Variants in FAM110B observed in about 807,000 individuals in gnomAD.
FAM110B encodes the protein protein FAM110B.
In FAM110B, 6 loss-of-function variants were observed where a neutral mutation model predicts 20.4. The observed-to-expected ratio is 0.29, with a 90% CI of 0.16 to 0.58. The LOEUF (loss-of-function observed/expected upper bound fraction) is 0.58. FAM110B is among the 20% of genes least tolerant of loss of function. The pLI is 0.90. For missense variants in FAM110B, 434 were observed against 498.2 expected, an observed-to-expected ratio of 0.87 and a Z score of 1.23; for synonymous variants, 226 against 214.1, an observed-to-expected ratio of 1.06 and a Z score of -0.49.
chr8:58,125,376 C>T (rs934468348), intron 3 of FAM110B, among the ~76,000 whole-genome samples: 1 of 152,120 alleles, frequency 6.6e-6, no homozygotes, highest in Admixed American at 6.6e-5. Context: ...TTTCAAAGAA[C>T]ACTATTAATG....
intron 1 of FAM110B, among the ~76,000 whole-genome samples, chr8:58,006,372 C>T (rs978091994): frequency 6.6e-6 from 1 of 152,166 alleles, no homozygotes; most frequent in Non-Finnish European, 1.5e-5. Flanking sequence ...GAATCAACTA[C>T]AGACACTGGC....
chr8:58,094,160 G>C (rs1467568886), intron 3 of FAM110B, among the ~76,000 whole-genome samples: 1 of 152,192 alleles, frequency 6.6e-6, no homozygotes, highest in Non-Finnish European at 1.5e-5. Flanking sequence ...TGAGACGATG[G>C]TGTTTTCTAA....
chr8:58,073,451 A>G (rs1342784683), intron 2 of FAM110B, among the ~76,000 whole-genome samples: 1 of 152,168 alleles, frequency 6.6e-6, no homozygotes, highest in Non-Finnish European at 1.5e-5. Flanking sequence ...AAGCTGGCAT[A>G]GCTTCATATC....
At chr8:57,997,190 T>C (rs946659150) in intron 1 of FAM110B, among the ~76,000 whole-genome samples, 14 of 152,158 alleles carry the variant, frequency 9.2e-5, no homozygotes, top group Non-Finnish European at 1.9e-4. Flanking sequence ...GGAGGAGGCA[T>C]ATGTATGGTC....
At chr8:58,120,060 ACT>A (rs1042558302) in intron 3 of FAM110B, among the ~76,000 whole-genome samples, 2 of 152,090 alleles carry the variant, frequency 1.3e-5, no homozygotes, top group African/African-American at 4.8e-5. Context: ...GGACTTAGTG[ACT>A]CTGAGGACAC....
chr8:58,032,494 C>T (rs887104627), intron 2 of FAM110B: 3 of 152,170 alleles, frequency 2.0e-5, no homozygotes, highest in African/African-American at 7.2e-5. Context: ...TTTCTCCATG[C>T]ACATACTAAT....
At position 58,086,596 on chromosome 8, in the gene FAM110B, C is replaced by A. The variant is rs13254335; in HGVS notation, c.-325+10973C>A. Reference sequence around the variant, plus strand: ...AAGTCACCTCTTTATTGGCACTTAACGTTACGCATAAATAGGACCACTGTG... The same window carrying A: ...AAGTCACCTCTTTATTGGCACTTAAAGTTACGCATAAATAGGACCACTGTG... On this transcript the variant is annotated intron_variant, in intron 3 of 3. Coordinates refer to ENST00000519262, the MANE Select transcript of FAM110B (RefSeq NM_001377989.1). Among the ~76,000 whole-genome samples the A allele has an allele frequency of 2.6e-5, 4 of 152,258 alleles. No individual in the cohort carries two copies. In the East Asian group the frequency reaches 7.7e-4, roughly 29 times the overall value.
intron 1 of FAM110B, among the ~76,000 whole-genome samples, chr8:58,029,872 A>G (rs1273171113): frequency 6.6e-6 from 1 of 152,192 alleles, no homozygotes; most frequent in Non-Finnish European, 1.5e-5. Flanking sequence ...CATATGTGGT[A>G]TTACTCCCTG....
intron 3 of FAM110B, among the ~76,000 whole-genome samples, chr8:58,142,641 C>A (rs1176535177): frequency 2.0e-5 from 3 of 152,072 alleles, no homozygotes; most frequent in African/African-American, 4.8e-5. Flanking sequence ...CCATTAGCAC[C>A]TTGGCTCTGC....
At chr8:58,109,774 A>C (rs997490271) in intron 3 of FAM110B, among the ~76,000 whole-genome samples, 8 of 152,244 alleles carry the variant, frequency 5.3e-5, no homozygotes, top group Non-Finnish European at 7.3e-5. Flanking sequence ...TAGGGTGGCC[A>C]GAGCCATCAG....
chr8:58,078,753 T>C (rs1806105183), intron 3 of FAM110B, among the ~76,000 whole-genome samples: 2 of 151,920 alleles, frequency 1.3e-5, no homozygotes, highest in African/African-American at 4.8e-5. Flanking sequence ...GGTTTCACCA[T>C]GTTAGCCAGG....
chr8:58,147,082 C>G lies in FAM110B; in HGVS notation c.852C>G (p.Asp284Glu). The change falls in exon 4 of 4, where the codon GAC (aspartate) becomes GAG (glutamate). Residue 284 changes from aspartate to glutamate, a missense_variant. Asp to Glu is a conservative substitution (Grantham distance 45). Coordinates refer to ENST00000519262, the MANE Select transcript of FAM110B (RefSeq NM_001377989.1). ...GGTTCTTCAACTACTGTGGACTGGACCCGGAAGAGCTGGAAAACCTGGGAA... is the reference window on the plus strand; with the variant it reads ...GGTTCTTCAACTACTGTGGACTGGAGCCGGAAGAGCTGGAAAACCTGGGAA... Reference protein sequence around the residue: ...VERFFNYCGLDPEELENLGME... With the variant: ...VERFFNYCGLEPEELENLGME... The G allele has an allele frequency of 6.2e-7, 1 of 1,614,142 alleles. No homozygotes were observed. The highest frequency in any genetic ancestry group is 8.5e-7 in the Non-Finnish European group (1 of 1,180,016).
At chr8:58,123,371 G>A (rs1049010758) in intron 3 of FAM110B, among the ~76,000 whole-genome samples, 12 of 152,142 alleles carry the variant, frequency 7.9e-5, no homozygotes, top group African/African-American at 1.9e-4. Context: ...CAGACACTTC[G>A]AATGATTGCC....
chr8:58,020,090 A>G (rs941394482), intron 1 of FAM110B, among the ~76,000 whole-genome samples: 17 of 152,102 alleles, frequency 1.1e-4, no homozygotes, highest in Admixed American at 1.0e-3. Flanking sequence ...CAAGCCATTC[A>G]ATAAATTTTT....
chr8:58,128,153 A>C (rs1189369606), intron 3 of FAM110B, among the ~76,000 whole-genome samples: 1 of 152,126 alleles, frequency 6.6e-6, no homozygotes, highest in Non-Finnish European at 1.5e-5. Context: ...CACCTTCACT[A>C]TCACCCTGTG....
rs1290454126 is a variant in FAM110B at position 58,016,110 on chromosome 8, CTT to C, written c.-511-15494_-511-15493del. Among the ~76,000 whole-genome samples, 6 of 152,250 alleles carry C rather than the reference CTT, an allele frequency of 3.9e-5. No individual in the cohort carries two copies. The South Asian group carries it at 8.3e-4, about 21-fold the overall frequency. ...TTAGCATCTGAGAAATCTGATGTCT[CTT>C]TGGTGGATTTGGCCAGAGGGAACTG... On this transcript the variant is annotated intron_variant, in intron 1 of 3. Transcript: ENST00000519262.
At chr8:58,055,683 C>T (rs1353543202) in intron 2 of FAM110B, among the ~76,000 whole-genome samples, 2 of 152,130 alleles carry the variant, frequency 1.3e-5, no homozygotes, top group African/African-American at 4.8e-5. Context: ...TTGTTGAGAG[C>T]CAATCCTAGT....
intron 2 of FAM110B, among the ~76,000 whole-genome samples, chr8:58,041,404 C>G (rs1191707931): frequency 6.6e-6 from 1 of 152,180 alleles, no homozygotes; most frequent in Non-Finnish European, 1.5e-5. Flanking sequence ...CTTCTGTCCA[C>G]ATCTGAAACA....
intron 2 of FAM110B, among the ~76,000 whole-genome samples, chr8:58,071,140 G>T (rs1159477158): frequency 6.6e-6 from 1 of 151,934 alleles, no homozygotes; most frequent in Non-Finnish European, 1.5e-5. Context: ...CCTGAAAATT[G>T]ATAATCTTAA....
Sources: gnomAD v4.1 joint callset for allele counts (sites outside exome capture counted in the v4.1 genomes callset) on GRCh38, gnomAD v4.1.1 for gene constraint, MANE v1.5 for transcripts, NCBI Gene and HGNC (gene_info 2026-07-23, HGNC 2026-07-21) for gene names.